The following CABIN1 variants were observed in gnomAD, a reference collection of about 807,000 sequenced individuals.
The protein encoded by CABIN1 is calcineurin binding protein 1.
CABIN1 carries 133 observed loss-of-function variants against 227.7 expected under a neutral mutation model. The ratio of observed to expected loss-of-function variants is 0.58; its 90% CI spans 0.51 to 0.67. The LOEUF (loss-of-function observed/expected upper bound fraction) is 0.67, where lower values mean the gene tolerates loss of function less well. Ranked by LOEUF, CABIN1 falls within the 30% of genes least tolerant of loss-of-function variation. The pLI, the probability that CABIN1 is intolerant of heterozygous loss-of-function variation, is 0.00. For synonymous variants in CABIN1, 1,086 were observed against 1,155.1 expected, an observed-to-expected ratio of 0.94 and a Z score of 1.21; for missense variants, 2,408 against 2,852.5, an observed-to-expected ratio of 0.84 and a Z score of 3.55.
chr22:24,020,969 C>T (rs551508572), intron 1 of CABIN1, among the ~76,000 whole-genome samples: 1 of 151,930 alleles, frequency 6.6e-6, no homozygotes, highest in South Asian at 2.1e-4. Flanking sequence ...TCATCTGTCT[C>T]CTCATTTTTT....
chr22:24,143,858 C>T (rs2044940218), intron 29 of CABIN1, among the ~76,000 whole-genome samples: 1 of 152,208 alleles, frequency 6.6e-6, no homozygotes, highest in South Asian at 2.1e-4. Flanking sequence ...CCTCGCTCTT[C>T]CCCTTGGACA....
chr22:24,086,920 C>T (rs146086688), intron 22 of CABIN1, among the ~76,000 whole-genome samples: 1 of 152,256 alleles, frequency 6.6e-6, no homozygotes, highest in East Asian at 1.9e-4. Context: ...AGCTGGGTTG[C>T]TGGGGTCCAG....
At chr22:24,016,514 C>T (rs542565276) in intron 1 of CABIN1, among the ~76,000 whole-genome samples, 9 of 152,244 alleles carry the variant, frequency 5.9e-5, no homozygotes, top group Admixed American at 2.6e-4. Context: ...TACCATAGTA[C>T]GTTATAATAG....
chr22:24,161,140 C>A (rs1241326839), intron 29 of CABIN1, among the ~76,000 whole-genome samples: 2 of 152,214 alleles, frequency 1.3e-5, no homozygotes, highest in African/African-American at 4.8e-5. Flanking sequence ...TTGTTAAAAT[C>A]TCTCTCTGTG....
chr22:24,084,514 A>G, intron 20 of CABIN1, 65 bp from the exon 21 acceptor site: 1 of 1,269,408 alleles, frequency 7.9e-7, no homozygotes, highest in East Asian at 2.3e-5. Flanking sequence ...CTATGGAGGA[A>G]TGCAATTTTC....
chr22:24,046,281 G>A (rs531164943), intron 6 of CABIN1, among the ~76,000 whole-genome samples: 3 of 152,036 alleles, frequency 2.0e-5, no homozygotes, highest in Admixed American at 1.3e-4. Context: ...TGGGCATTTG[G>A]GTTATTTCCA....
In CABIN1 at chr22:24,067,184, G is replaced by T. The variant is rs764805180; in HGVS notation, c.2232+3G>T. On this transcript the variant is annotated splice_donor_region_variant and intron_variant, in intron 16 of 36. Transcript: ENST00000263119. ...CAGCCCAGCTGCTTCTTCTGCAGGTGTGTGCTGCCAGTGTCCCTCACACCC... is the reference window on the plus strand; with the variant it reads ...CAGCCCAGCTGCTTCTTCTGCAGGTTTGTGCTGCCAGTGTCCCTCACACCC... The T allele has an allele frequency of 6.2e-7, 1 of 1,614,214 alleles. No homozygotes were observed. Among genetic ancestry groups the T allele is most frequent in the East Asian group, 2.2e-5 (1 of 44,890 alleles).
At chr22:24,042,818 CTGTG>C (rs56070926) in intron 5 of CABIN1, 82 bp from the exon 6 acceptor site, 31,820 of 680,442 alleles carry the variant, frequency 0.047, 244 homozygotes, top group Middle Eastern at 0.069. Flanking sequence ...AGAGATCTGA[CTGTG>C]TGTGTGTGTG....
chr22:24,038,868 T>A (rs2037135323), intron 4 of CABIN1, among the ~76,000 whole-genome samples: 1 of 152,222 alleles, frequency 6.6e-6, no homozygotes, highest in Non-Finnish European at 1.5e-5. Context: ...CTAATGATCC[T>A]ACTGGCAGCA....
intron 29 of CABIN1, among the ~76,000 whole-genome samples, chr22:24,158,966 C>T (rs2045994422): frequency 6.6e-6 from 1 of 152,188 alleles, no homozygotes; most frequent in African/African-American, 2.4e-5. Context: ...GATGTGGAGG[C>T]CAGGATTTGT....
intron 28 of CABIN1, among the ~76,000 whole-genome samples, chr22:24,130,399 G>A (rs2044001184): frequency 6.6e-6 from 1 of 152,200 alleles, no homozygotes; most frequent in Non-Finnish European, 1.5e-5. Context: ...AGAGTCCAGG[G>A]ATGGTTCTGC....
Position 24,178,165 on chromosome 22 carries a change from C to T in CABIN1, c.6632C>T (p.Thr2211Ile). The change falls in exon 37 of 37, where the codon ACA (threonine) becomes ATA (isoleucine). Residue 2211 changes from threonine (T) to isoleucine (I), a missense_variant. By Grantham distance (89) the Thr-to-Ile change is moderately conservative (BLOSUM62 -1). This residue lies in a region of CABIN1 where 714 missense variants were observed against 773.8 expected (regional missense o/e 0.92). Transcript: ENST00000263119. ...SSQESSLESETDEDDDYMDI is the reference protein window; with the variant it reads ...SSQESSLESEIDEDDDYMDI ...CAGGAGTCCTCGCTGGAGAGCGAGA[C>T]AGACGAGGACGACGACTACATGGAC... The T allele has an allele frequency of 6.2e-7, 1 of 1,613,534 alleles. No homozygotes were observed. Among genetic ancestry groups the T allele is most frequent in the Non-Finnish European group, 8.5e-7 (1 of 1,179,968 alleles).
intron 29 of CABIN1, among the ~76,000 whole-genome samples, chr22:24,138,509 T>C (rs1295548326): frequency 6.6e-6 from 1 of 152,254 alleles, no homozygotes; most frequent in African/African-American, 2.4e-5. Flanking sequence ...GTCACAAGTC[T>C]GGGCCTCCGA....
chr22:24,078,717 C>G (rs2040602895), intron 19 of CABIN1, among the ~76,000 whole-genome samples: 1 of 152,166 alleles, frequency 6.6e-6, no homozygotes, highest in Admixed American at 6.5e-5. Context: ...GCCCACCCCC[C>G]TTCTGTGTAC....
At chr22:24,035,589 G>A in intron 2 of CABIN1, 69 bp downstream of exon 2, 2 of 1,592,946 alleles carry the variant, frequency 1.3e-6, no homozygotes, top group Non-Finnish European at 8.6e-7. Flanking sequence ...TGGGGGCGAG[G>A]GGCATTTTCC....
chr22:24,032,449 G>GTTC (rs2036562314), intron 1 of CABIN1, among the ~76,000 whole-genome samples: 1 of 152,166 alleles, frequency 6.6e-6, no homozygotes, highest in South Asian at 2.1e-4. Context: ...ATGAACATGA[G>GTTC]TGTACAAGTG....
chr22:24,117,091 A>G lies in CABIN1; in HGVS notation c.4301-2276A>G, dbSNP rs1277934804. Among the ~76,000 whole-genome samples the G allele has an allele frequency of 2.6e-5, 4 of 152,224 alleles. 1 individual carries two copies. Among genetic ancestry groups the G allele is most frequent in the African/African-American group, 9.6e-5 (4 of 41,470 alleles). ...TTCCAGTAAGGAAATGGAGGGCTCT[A>G]GTGACCTGTGAGGCCTGTTCAGCAG... On this transcript the variant is annotated intron_variant, in intron 27 of 36. Coordinates refer to ENST00000263119, the MANE Select transcript of CABIN1 (RefSeq NM_012295.4).
intron 8 of CABIN1, among the ~76,000 whole-genome samples, chr22:24,054,590 G>C (rs551935628): frequency 3.6e-4 from 55 of 152,244 alleles, no homozygotes; most frequent in Non-Finnish European, 7.2e-4. Context: ...GAGTCTGAAA[G>C]TGCCTCAGGC....
chr22:24,082,389 C>G (rs1209769939), intron 19 of CABIN1, among the ~76,000 whole-genome samples: 1 of 152,202 alleles, frequency 6.6e-6, no homozygotes, highest in Non-Finnish European at 1.5e-5. Context: ...TGCATCCAGC[C>G]AGTATTCACT....
Sources: gnomAD v4.1 joint callset for allele counts (sites outside exome capture counted in the v4.1 genomes callset) on GRCh38, gnomAD v4.1.1 for gene constraint, gnomAD v4.1.1 regional missense constraint, MANE v1.5 for transcripts, NCBI Gene and HGNC (gene_info 2026-07-23, HGNC 2026-07-21) for gene names.